Variants in PCDH15 observed in about 807,000 individuals in gnomAD.
PCDH15 encodes protocadherin related 15, also known as protocadherin-15.
A neutral mutation model predicts 178.5 loss-of-function variants in PCDH15; 129 were observed. The ratio of observed to expected loss-of-function variants is 0.72; its 90% CI spans 0.63 to 0.84. PCDH15 has a LOEUF of 0.84. Ranked by LOEUF, PCDH15 falls within the 40% of genes least tolerant of loss-of-function variation. The pLI is 0.00. For synonymous variants in PCDH15, 800 were observed against 732.0 expected (o/e 1.09, Z -1.50); for missense variants, 2,230 against 2,099.9 (o/e 1.06, Z -1.21).
intron 2 of PCDH15, among the ~76,000 whole-genome samples, chr10:54,956,977 T>C (rs772081430): frequency 1.3e-4 from 19 of 151,666 alleles, no homozygotes; most frequent in Non-Finnish European, 1.8e-4. Context: ...CACTGTGTTA[T>C]ACTGTCGCTA....
At chr10:55,322,649 A>G (rs1843928584), upstream of PCDH15, among the ~76,000 whole-genome samples, 1 of 152,126 alleles carries the variant, frequency 6.6e-6, no homozygotes, top group African/African-American at 2.4e-5. Context: ...TGCAAAGGGA[A>G]TGGTCACATG....
At chr10:54,080,667 T>C (rs936437736) in intron 16 of PCDH15, among the ~76,000 whole-genome samples, 19 of 152,194 alleles carry the variant, frequency 1.2e-4, no homozygotes, top group African/African-American at 4.6e-4. Context: ...ATTTGCTTAT[T>C]ATGTTGTAAT....
chr10:55,304,926 T>C (rs1258664488), intron 1 of PCDH15, among the ~76,000 whole-genome samples: 2 of 152,326 alleles, frequency 1.3e-5, no homozygotes, highest in East Asian at 3.9e-4. Context: ...TACATACTGA[T>C]TGAACTATTT....
intron 2 of PCDH15, among the ~76,000 whole-genome samples, chr10:55,457,836 G>A (rs549216387): frequency 2.0e-5 from 3 of 152,094 alleles, no homozygotes; most frequent in Admixed American, 2.0e-4. Flanking sequence ...TGTATTTGCA[G>A]TCTATATACT....
At chr10:53,971,236 AG>A (rs1246963670) in intron 21 of PCDH15, among the ~76,000 whole-genome samples, 2 of 152,208 alleles carry the variant, frequency 1.3e-5, no homozygotes, top group Non-Finnish European at 2.9e-5. Context: ...AAAATTCAAC[AG>A]CCCTTCCTGC....
intron 29 of PCDH15, 65 bp from the exon 30 acceptor site, chr10:53,831,598 A>G: frequency 8.3e-7 from 1 of 1,198,822 alleles, no homozygotes; most frequent in Non-Finnish European, 1.2e-6. Context: ...TAAAAATAAA[A>G]TCTTTTTGTA....
intron 21 of PCDH15, among the ~76,000 whole-genome samples, chr10:53,964,332 T>C (rs1433829492): frequency 6.7e-6 from 1 of 150,144 alleles, no homozygotes; most frequent in Non-Finnish European, 1.5e-5. Flanking sequence ...CCATAATATG[T>C]ACTCAAGGAG....
At chr10:54,524,756 C>A (rs983092789) in intron 3 of PCDH15, among the ~76,000 whole-genome samples, 1 of 152,202 alleles carries the variant, frequency 6.6e-6, no homozygotes, top group Admixed American at 6.5e-5. Context: ...AGTTCAAGAG[C>A]TTTCTGGTGG....
At chr10:54,012,876 A>G (rs2092632896) in intron 20 of PCDH15, among the ~76,000 whole-genome samples, 1 of 152,192 alleles carries the variant, frequency 6.6e-6, no homozygotes, top group African/African-American at 2.4e-5. Flanking sequence ...ATAAGTCTAC[A>G]TAATATCCAG....
intron 21 of PCDH15, among the ~76,000 whole-genome samples, chr10:53,993,191 GCC>G (rs1245971838): frequency 8.7e-4 from 132 of 152,290 alleles, no homozygotes; most frequent in Non-Finnish European, 8.8e-5. Flanking sequence ...CCCTTACATG[GCC>G]AAACTAAGTC....
At chr10:54,769,653 TA>T (rs1259519670) in intron 1 of PCDH15, among the ~76,000 whole-genome samples, 1 of 152,034 alleles carries the variant, frequency 6.6e-6, no homozygotes, top group Admixed American at 6.6e-5. Flanking sequence ...TCCATTCTGC[TA>T]AAGGTGGCAT....
intron 13 of PCDH15, among the ~76,000 whole-genome samples, chr10:54,155,529 C>G (rs1187936591): frequency 6.6e-6 from 1 of 151,988 alleles, no homozygotes; most frequent in Admixed American, 6.6e-5. Context: ...GGTTATGAGT[C>G]AATATAATTT....
At chr10:54,080,183 T>C (rs1444555240) in intron 16 of PCDH15, among the ~76,000 whole-genome samples, 1 of 152,098 alleles carries the variant, frequency 6.6e-6, no homozygotes, top group African/African-American at 2.4e-5. Flanking sequence ...TGTTATTCTT[T>C]GGAAATTTAG....
chr10:55,245,707 A>G (rs986384769), intron 1 of PCDH15, among the ~76,000 whole-genome samples: 9 of 152,204 alleles, frequency 5.9e-5, no homozygotes, highest in Non-Finnish European at 1.2e-4. Flanking sequence ...CAGAATATGT[A>G]TCAGAAGAGA....
intron 2 of PCDH15, among the ~76,000 whole-genome samples, chr10:54,965,076 G>A (rs925464524): frequency 6.6e-6 from 1 of 152,162 alleles, no homozygotes; most frequent in Non-Finnish European, 1.5e-5. Flanking sequence ...TATTAAGTAT[G>A]TACATATTAA....
At chr10:55,201,119 T>C (rs1840236124) in intron 1 of PCDH15, among the ~76,000 whole-genome samples, 1 of 152,102 alleles carries the variant, frequency 6.6e-6, no homozygotes, top group Admixed American at 6.5e-5. Flanking sequence ...ATGAGTTCCT[T>C]AGAAAACGAA....
chr10:55,089,182 C>T (rs769015601), intron 2 of PCDH15, among the ~76,000 whole-genome samples: 10 of 151,972 alleles, frequency 6.6e-5, no homozygotes, highest in East Asian at 1.9e-4. Flanking sequence ...TCACATAATT[C>T]GTAAGACAGG....
intron 18 of PCDH15, among the ~76,000 whole-genome samples, chr10:54,059,731 C>T (rs185435715): frequency 4.6e-4 from 70 of 152,282 alleles, no homozygotes; most frequent in African/African-American, 1.2e-3. Context: ...AGCCACCTAA[C>T]GCATGTTTGT....
At chr10:55,437,218 T>TTTCAATATACCTG (rs112436954) in intron 2 of PCDH15, among the ~76,000 whole-genome samples, 116,550 of 151,900 alleles carry the variant, frequency 0.77, 45,990 homozygotes, top group East Asian at 1. Context: ...GGATCTCAAT[T>TTTCAATATACCTG]TAATTGGAGA....
Sources: gnomAD v4.1 joint callset for allele counts (sites outside exome capture counted in the v4.1 genomes callset) on GRCh38, gnomAD v4.1.1 for gene constraint, MANE v1.5 for transcripts, NCBI Gene and HGNC (gene_info 2026-07-23, HGNC 2026-07-21) for gene names.